Variants in WWOX observed in about 807,000 individuals in gnomAD.
WWOX encodes WW domain-containing oxidoreductase.
In WWOX, 69 loss-of-function variants were observed where a neutral mutation model predicts 46.2. The ratio of observed to expected loss-of-function variants is 1.49; its 90% CI spans 1.23 to 1.82. The LOEUF (loss-of-function observed/expected upper bound fraction) is 1.82, where lower values mean the gene tolerates loss of function less well. Ranked by LOEUF, WWOX falls within the 40% of genes most tolerant of loss-of-function variation. The pLI is 0.00. For synonymous variants in WWOX, 359 were observed against 202.6 expected (o/e 1.77, Z -6.56); for missense variants, 919 against 542.6 (o/e 1.69, Z -6.89).
intron 5 of WWOX, among the ~76,000 whole-genome samples, chr16:78,225,550 A>G (rs984045488): frequency 6.6e-6 from 1 of 152,146 alleles, no homozygotes. Flanking sequence ...ATATTGACTC[A>G]TATGTCTTAC....
At chr16:79,148,790 A>AATG (rs975503710) in intron 8 of WWOX, among the ~76,000 whole-genome samples, 1 of 131,776 alleles carries the variant, frequency 7.6e-6, no homozygotes, top group African/African-American at 2.8e-5. Flanking sequence ...AGCGATTGTA[A>AATG]ATGGCATTGT....
chr16:79,073,189 A>G (rs1016386799), intron 8 of WWOX, among the ~76,000 whole-genome samples: 4 of 145,294 alleles, frequency 2.8e-5, no homozygotes, highest in African/African-American at 7.7e-5. Context: ...TATTATTATT[A>G]TTACTGAGAC....
chr16:78,495,608 A>G (rs1027289472), intron 8 of WWOX, among the ~76,000 whole-genome samples: 9 of 151,350 alleles, frequency 5.9e-5, no homozygotes, highest in Admixed American at 3.9e-4. Context: ...TCCTGGGTTC[A>G]AGTGACTCTC....
intron 4 of WWOX, among the ~76,000 whole-genome samples, chr16:78,159,081 A>G (rs980736175): frequency 6.6e-6 from 1 of 152,098 alleles, no homozygotes; most frequent in African/African-American, 2.4e-5. Flanking sequence ...CTTCAGGTTC[A>G]TCCATGTTGT....
intron 8 of WWOX, among the ~76,000 whole-genome samples, chr16:78,462,759 C>G (rs1055934971): frequency 2.0e-5 from 3 of 152,204 alleles, no homozygotes; most frequent in African/African-American, 7.2e-5. Context: ...TTGTTGTAAA[C>G]TCGTCCTGCC....
At chr16:79,204,335 A>G (rs2051438943) in intron 8 of WWOX, 1 of 152,112 alleles carries the variant, frequency 6.6e-6, no homozygotes, top group South Asian at 2.1e-4. Context: ...GCAGGCACAA[A>G]TGGAAGATGG....
intron 8 of WWOX, among the ~76,000 whole-genome samples, chr16:79,029,397 C>T (rs953796221): frequency 2.0e-5 from 3 of 152,158 alleles, no homozygotes; most frequent in Non-Finnish European, 4.4e-5. Flanking sequence ...CCATCATGTC[C>T]ATCAGCACCA....
intron 6 of WWOX, among the ~76,000 whole-genome samples, chr16:78,399,942 T>C (rs2082373271): frequency 6.6e-6 from 1 of 152,208 alleles, no homozygotes; most frequent in Non-Finnish European, 1.5e-5. Flanking sequence ...TCAGCGGTGC[T>C]ACACCGTGGC....
chr16:78,532,844 G>T (rs868850120), intron 8 of WWOX, among the ~76,000 whole-genome samples: 1 of 152,192 alleles, frequency 6.6e-6, no homozygotes, highest in Non-Finnish European at 1.5e-5. Context: ...CCTGCAACAT[G>T]TGGGAATTCA....
chr16:78,325,071 G>C (rs951684196), intron 5 of WWOX, among the ~76,000 whole-genome samples: 4 of 152,298 alleles, frequency 2.6e-5, no homozygotes, highest in Admixed American at 1.3e-4. Context: ...TGGCTTGTGT[G>C]AGAGCCTCAA....
intron 8 of WWOX, among the ~76,000 whole-genome samples, chr16:78,986,345 C>T (rs1227857726): frequency 1.3e-5 from 2 of 152,166 alleles, no homozygotes; most frequent in African/African-American, 2.4e-5. Flanking sequence ...TGACTCAGAG[C>T]TTTATGAAGG....
At chr16:79,210,075 T>TCCAGTATCATCA (rs1349810920) in intron 8 of WWOX, among the ~76,000 whole-genome samples, 2 of 152,150 alleles carry the variant, frequency 1.3e-5, no homozygotes, top group East Asian at 3.9e-4. Context: ...GTGGAACTTG[T>TCCAGTATCATCA]CCAGTATCAT....
At chr16:78,466,486 A>G (rs998260871) in intron 8 of WWOX, among the ~76,000 whole-genome samples, 4 of 152,202 alleles carry the variant, frequency 2.6e-5, no homozygotes, top group Non-Finnish European at 5.9e-5. Context: ...GCTAACACAT[A>G]AGGAGACATA....
chr16:78,700,940 T>A (rs2048202863), intron 8 of WWOX, among the ~76,000 whole-genome samples: 1 of 152,132 alleles, frequency 6.6e-6, no homozygotes, highest in South Asian at 2.1e-4. Context: ...AAATTGATAT[T>A]TATTGAGGGC....
At chr16:78,922,857 A>G (rs1041823180) in intron 8 of WWOX, among the ~76,000 whole-genome samples, 1 of 152,182 alleles carries the variant, frequency 6.6e-6, no homozygotes, top group South Asian at 2.1e-4. Flanking sequence ...AATGTGGCCT[A>G]TTTTCAATAA....
At chr16:78,507,159 G>C (rs993405989) in intron 8 of WWOX, among the ~76,000 whole-genome samples, 1 of 152,190 alleles carries the variant, frequency 6.6e-6, no homozygotes, top group Non-Finnish European at 1.5e-5. Context: ...CAAATGAAAA[G>C]AATCAGGAGT....
intron 8 of WWOX, among the ~76,000 whole-genome samples, chr16:78,885,949 G>C (rs2044447493): frequency 7.6e-6 from 1 of 131,656 alleles, no homozygotes; most frequent in Non-Finnish European, 1.6e-5. Flanking sequence ...TTTTGAGACA[G>C]AGTTTTGCTC....
At chr16:78,649,758 C>G (rs2046924664) in intron 8 of WWOX, among the ~76,000 whole-genome samples, 2 of 152,170 alleles carry the variant, frequency 1.3e-5, no homozygotes, top group Non-Finnish European at 2.9e-5. Context: ...CTTGGGTTTA[C>G]TTATCTCATT....
In WWOX at chr16:78,618,602, G is replaced by T. The variant is rs955305220; in HGVS notation, c.1056+185850G>T. Among the ~76,000 whole-genome samples the T allele has an allele frequency of 9.2e-5, 14 of 152,156 alleles. 1 individual carries two copies. Among genetic ancestry groups the T allele is most frequent in the Admixed American group, 8.5e-4 (13 of 15,284 alleles). ...ACAGTCACATTGTGAGGTACTGGGG[G>T]TTTGGGCTTCCACATACAAAGTCTG... On this transcript the variant is annotated intron_variant, in intron 8 of 8. Coordinates refer to ENST00000566780, the MANE Select transcript of WWOX (RefSeq NM_016373.4).
Sources: gnomAD v4.1 joint callset for allele counts (sites outside exome capture counted in the v4.1 genomes callset) on GRCh38, gnomAD v4.1.1 for gene constraint, MANE v1.5 for transcripts, NCBI Gene and HGNC (gene_info 2026-07-23, HGNC 2026-07-21) for gene names.